Variants in ARHGEF10 observed in about 807,000 individuals in gnomAD.
The protein encoded by ARHGEF10 is Rho guanine nucleotide exchange factor (GEF) 10.
ARHGEF10 carries 140 observed loss-of-function variants against 147.4 expected under a neutral mutation model. That is an observed-to-expected ratio of 0.95 (90% confidence interval 0.83 to 1.09). ARHGEF10 has a LOEUF of 1.09. Among genes scored for constraint, ARHGEF10 ranks in the 50% least tolerant of loss-of-function variants. The pLI, the probability that ARHGEF10 is intolerant of heterozygous loss-of-function variation, is 0.00. For synonymous variants in ARHGEF10, 902 were observed against 695.8 expected (o/e 1.30, Z -4.67); for missense variants, 2,222 against 1,752.7 (o/e 1.27, Z -4.78).
intron 26 of ARHGEF10, among the ~76,000 whole-genome samples, chr8:1,935,408 G>A (rs149259935): frequency 7.9e-5 from 12 of 152,244 alleles, no homozygotes; most frequent in Non-Finnish European, 1.0e-4. Flanking sequence ...ACAGCATCGC[G>A]CAGAGTGGGT....
chr8:1,876,789 G>A (rs991353138), intron 8 of ARHGEF10, 55 bp downstream of exon 8: 1 of 1,586,204 alleles, frequency 6.3e-7, no homozygotes, highest in African/African-American at 1.3e-5. Context: ...CACGGACAGG[G>A]GGCTGTGAAT....
At chr8:1,907,127 C>G (rs573275080) in intron 17 of ARHGEF10, among the ~76,000 whole-genome samples, 6 of 152,176 alleles carry the variant, frequency 3.9e-5, no homozygotes, top group African/African-American at 7.2e-5. Flanking sequence ...GTGGGCTGCT[C>G]TAGAGGATGC....
Position 1,874,692 on chromosome 8 carries a change from C to T in ARHGEF10, c.680-1879C>T, listed in dbSNP as rs938893991. Among the ~76,000 whole-genome samples, 38 of 151,588 alleles carry T rather than the reference C, an allele frequency of 2.5e-4. 1 individual carries two copies. The highest frequency in any genetic ancestry group is 2.2e-3 in the Admixed American group (34 of 15,252). ...TAGGGGGTAGAGGTTCTAAGACAGT[C>T]TGGAGGGAGAGTGCAGACACACACC... On this transcript the variant is annotated intron_variant, in intron 7 of 28. Transcript: ENST00000349830.
At position 1,894,401 on chromosome 8, in the gene ARHGEF10, G is replaced by C. The variant is rs1164789060; in HGVS notation, c.1269G>C (p.Glu423Asp). The part of the protein sequence containing the change: ...DALKRILEQY[E>D]KPLSEMEPKV... ...TGCTCATTTTGTCTTAGCAATATGA[G>C]AAGCCGCTGTCTGAGATGGAGCCAA... Residue 423 changes from glutamate to aspartate, a missense_variant, in exon 13 of 29, where the codon GAG becomes GAC. Physicochemically the swap from Glu to Asp is conservative, Grantham distance 45. Coordinates refer to ENST00000349830, the MANE Select transcript of ARHGEF10 (RefSeq NM_014629.4). 1 of 1,614,194 alleles carries C rather than the reference G, an allele frequency of 6.2e-7. No homozygotes were observed. Among genetic ancestry groups the C allele is most frequent in the Non-Finnish European group, 8.5e-7 (1 of 1,180,036 alleles).
chr8:1,911,227 G>T (rs940661700), intron 18 of ARHGEF10, among the ~76,000 whole-genome samples: 2 of 152,190 alleles, frequency 1.3e-5, no homozygotes, highest in Non-Finnish European at 2.9e-5. Context: ...TATATCTCCA[G>T]TTAAGGGGAC....
chr8:1,870,373 A>G (rs1387656136), intron 7 of ARHGEF10: 1 of 152,102 alleles, frequency 6.6e-6, no homozygotes, highest in Non-Finnish European at 1.5e-5. Context: ...GCAAGAAAAT[A>G]TAAAATAAGA....
upstream of ARHGEF10, among the ~76,000 whole-genome samples, chr8:1,823,727 C>T (rs564424200): frequency 2.6e-5 from 4 of 151,976 alleles, no homozygotes; most frequent in South Asian, 4.1e-4. Flanking sequence ...GCCGCGCGCC[C>T]CCTCCCACGC....
At chr8:1,873,042 C>T (rs774817914) in intron 7 of ARHGEF10, among the ~76,000 whole-genome samples, 1 of 152,244 alleles carries the variant, frequency 6.6e-6, no homozygotes, top group Admixed American at 6.5e-5. Context: ...GAAGCCAACA[C>T]ACTGCGGGAG....
In ARHGEF10 at chr8:1,909,447, C is replaced by T. The variant is rs1229943246; in HGVS notation, c.2120C>T (p.Ala707Val). The T allele has an allele frequency of 1.2e-6, 2 of 1,613,978 alleles. No homozygotes were observed. Among genetic ancestry groups the T allele is most frequent in the Non-Finnish European group, 8.5e-7 (1 of 1,180,044 alleles). ...GCCGTTCACCCGCCGGAGAGCCTGG[C>T]CGTGGTTGCTAACGCGAAACCAAGT... ...HLAVHPPESL[A>V]VVANAKPNKV... is the part of the protein sequence containing the mutation. Residue 707 changes from alanine (A) to valine (V), a missense_variant, in exon 18 of 29, where the codon GCC becomes GTC. By Grantham distance (64) the Ala-to-Val change is moderately conservative. Transcript: ENST00000349830.
Position 1,862,587 on chromosome 8 carries a change from G to T in ARHGEF10, c.482-1786G>T, listed in dbSNP as rs532691618. Among the ~76,000 whole-genome samples the T allele has an allele frequency of 2.6e-5, 4 of 152,316 alleles. No individual in the cohort carries two copies. In the South Asian group the frequency reaches 8.3e-4, roughly 32 times the overall value. On this transcript the variant is annotated intron_variant, in intron 4 of 28. Transcript: ENST00000349830. Reference sequence around the variant, plus strand: ...GGAAAGAAGAGTTTCCTGGGGTGGAGCCCTGAGAGGGCTCATGTGTGTGCT... The same window carrying T: ...GGAAAGAAGAGTTTCCTGGGGTGGATCCCTGAGAGGGCTCATGTGTGTGCT...
chr8:1,864,727 C>G (rs925457387), intron 5 of ARHGEF10, among the ~76,000 whole-genome samples: 4 of 152,206 alleles, frequency 2.6e-5, no homozygotes, highest in Non-Finnish European at 5.9e-5. Flanking sequence ...TTGCTTTTCT[C>G]CTTTCTATCA....
rs1292491806 is a variant in ARHGEF10 at position 1,945,468 on chromosome 8, C to G, written c.3223-13C>G. 1 of 1,578,862 alleles carries G rather than the reference C, an allele frequency of 6.3e-7. No homozygotes were observed. The highest frequency in any genetic ancestry group is 8.6e-7 in the Non-Finnish European group (1 of 1,162,414). On this transcript the variant is annotated splice_polypyrimidine_tract_variant and intron_variant, in intron 26 of 28. Transcript: ENST00000349830. ...TCCACGGGGCTAGCAGACTTGACCT[C>G]TCGATTTCACAGGGTCAGCTGGAGG... is the stretch of plus-strand genomic sequence containing the variant.
intron 8 of ARHGEF10, among the ~76,000 whole-genome samples, chr8:1,879,089 G>A (rs1024812963): frequency 6.6e-6 from 1 of 152,196 alleles, no homozygotes; most frequent in African/African-American, 2.4e-5. Context: ...AAAACTATAT[G>A]TTGTTCAAAA....
chr8:1,863,561 C>T (rs540375949), intron 4 of ARHGEF10, among the ~76,000 whole-genome samples: 52 of 152,318 alleles, frequency 3.4e-4, no homozygotes, highest in Middle Eastern at 6.8e-3. Context: ...TGGTGCCACG[C>T]GGCTGGGCGG....
chr8:1,891,207 A>T (rs115653891), intron 11 of ARHGEF10, among the ~76,000 whole-genome samples: 1 of 152,126 alleles, frequency 6.6e-6, no homozygotes, highest in East Asian at 1.9e-4. Context: ...GCATTCTTTC[A>T]TGCAGCTTTC....
In ARHGEF10 at chr8:1,833,559, C is replaced by T. The variant is rs377625459; in HGVS notation, c.-48+9446C>T. The stretch of plus-strand genomic sequence containing the variant: ...GCCCTCACGGCTGCCTCTGGCTCTT[C>T]TTTGGCGCCCTGTTACCGCCTCCAA... On this transcript the variant is annotated intron_variant, in intron 1 of 28. Coordinates refer to ENST00000349830, the MANE Select transcript of ARHGEF10 (RefSeq NM_014629.4). Among the ~76,000 whole-genome samples the T allele has an allele frequency of 2.8e-4, 43 of 152,326 alleles. No individual in the cohort carries two copies. In the South Asian group the frequency reaches 5.0e-3, roughly 18 times the overall value.
intron 4 of ARHGEF10, among the ~76,000 whole-genome samples, chr8:1,861,756 G>T (rs951343621): frequency 6.4e-4 from 97 of 152,328 alleles, no homozygotes; most frequent in African/African-American, 2.3e-3. Flanking sequence ...ACTCACCACG[G>T]TCTGCATGAT....
At chr8:1,897,286 G>C (rs62477558) in intron 14 of ARHGEF10, among the ~76,000 whole-genome samples, 1,848 of 151,940 alleles carry the variant, frequency 0.012, 27 homozygotes, top group South Asian at 0.042. Context: ...GGCGGCTCCT[G>C]CTCCTCCTGG....
In ARHGEF10 at chr8:1,906,795, A is replaced by G. The variant is rs186405228; in HGVS notation, c.1967+1079A>G. The stretch of plus-strand genomic sequence containing the variant: ...AGGGATCAAGGCGAGAACGTTCATT[A>G]AGCTGCTGCAGGGCACCTGGCACAC... On this transcript the variant is annotated intron_variant, in intron 17 of 28. Coordinates refer to ENST00000349830, the MANE Select transcript of ARHGEF10 (RefSeq NM_014629.4). Among the ~76,000 whole-genome samples, 27 of 152,350 alleles carry G rather than the reference A, an allele frequency of 1.8e-4. No homozygotes were observed. The East Asian group carries it at 4.8e-3, about 27-fold the overall frequency.
Sources: allele counts gnomAD v4.1 joint callset (sites outside exome capture counted in the v4.1 genomes callset), GRCh38; gene constraint gnomAD v4.1.1; transcripts MANE v1.5; gene names NCBI Gene and HGNC (gene_info 2026-07-23, HGNC 2026-07-21).